MYH10: variants seen among roughly 807,000 people sequenced by gnomAD.
The protein encoded by MYH10 is myosin-10.
A neutral mutation model predicts 257.8 loss-of-function variants in MYH10; 55 were observed. The observed-to-expected ratio is 0.21, with a 90% confidence interval of 0.17 to 0.27. The LOEUF (loss-of-function observed/expected upper bound fraction) is 0.27. MYH10 is among the 10% of genes least tolerant of loss of function. The pLI, the probability that MYH10 is intolerant of heterozygous loss-of-function variation, is 1.00. For synonymous variants in MYH10, 854 were observed against 921.7 expected (o/e 0.93, Z 1.33); for missense variants, 1,631 against 2,500.6 (o/e 0.65, Z 7.42).
At chr17:8,620,751 G>A (rs1317053139) in intron 2 of MYH10, among the ~76,000 whole-genome samples, 2 of 152,042 alleles carry the variant, frequency 1.3e-5, no homozygotes, top group Non-Finnish European at 2.9e-5. Context: ...GACTTCTTTG[G>A]AGTCAAGTTC....
Position 8,600,801 on chromosome 17 carries a change from A to G in MYH10, c.502+4025T>C, listed in dbSNP as rs145115596. 2.1e-3 allele frequency among the ~76,000 whole-genome samples: 320 copies of G among 152,268 alleles called. 2 individuals are homozygous for G. The highest frequency in any genetic ancestry group is 5.4e-3 in the Admixed American group (83 of 15,300). On this transcript the variant is annotated intron_variant, in intron 3 of 42. Coordinates refer to ENST00000360416, the MANE Select transcript of MYH10 (RefSeq NM_001256012.3). The stretch of plus-strand genomic sequence containing the variant: ...CAGTGTTAGTAAGGACACTAACCCT[A>G]TCTCCCAGTGCATAGGATTTGAGTG...
intron 22 of MYH10, 54 bp from the exon 23 acceptor site, chr17:8,513,723 G>C: frequency 6.2e-7 from 1 of 1,608,658 alleles, no homozygotes; most frequent in Non-Finnish European, 8.5e-7. Context: ...TCTTTCCTAT[G>C]GGTTTTTCCT....
At chr17:8,547,821 ATATAT>A (rs1196013688) in intron 11 of MYH10, among the ~76,000 whole-genome samples, 1 of 147,070 alleles carries the variant, frequency 6.8e-6, no homozygotes, top group Non-Finnish European at 1.5e-5. Flanking sequence ...ATATTTAATA[ATATAT>A]TATATATATA....
intron 25 of MYH10, 113 bp downstream of exon 25, chr17:8,509,699 C>A: frequency 9.2e-7 from 1 of 1,081,146 alleles, no homozygotes; most frequent in Admixed American, 3.0e-5. Context: ...GTAAATGAAC[C>A]TAAAATCTTG....
chr17:8,483,682 A>C (rs534740604), intron 37 of MYH10, among the ~76,000 whole-genome samples: 1 of 152,352 alleles, frequency 6.6e-6, no homozygotes, highest in South Asian at 2.1e-4. Context: ...GCTTCATGAG[A>C]ACTTACAAGA....
rs77557006 is a variant in MYH10, at chr17:8,531,009, C to T, written c.1895-324G>A. 5.9e-5 allele frequency among the ~76,000 whole-genome samples: 9 copies of T among 152,166 alleles called. No individual in the cohort carries two copies. The East Asian group carries it at 1.2e-3, about 20-fold the overall frequency. On this transcript the variant is annotated intron_variant, in intron 16 of 42. Transcript: ENST00000360416. ...ATAAGGCACTATTTGAGTTGTCTATCGTAAAAATATCTTATCGTTAGTAGC... is the reference window on the plus strand; with the variant it reads ...ATAAGGCACTATTTGAGTTGTCTATTGTAAAAATATCTTATCGTTAGTAGC...
rs1482800271 is a variant in MYH10 at position 8,495,771 on chromosome 17, G to C, written c.3952-530C>G. 2.6e-5 allele frequency among the ~76,000 whole-genome samples: 4 copies of C among 151,522 alleles called. 1 individual carries two copies. ...GTCGCCCTGGCTGGAGTGCAGTGGT[G>C]CAATCTGGGCTCACTGCAACCTTTG... On this transcript the variant is annotated intron_variant, in intron 30 of 42. Transcript: ENST00000360416.
chr17:8,511,033 T>A (rs200191833), intron 24 of MYH10: 24 of 12,088 alleles, frequency 2.0e-3, no homozygotes, highest in African/African-American at 4.0e-3. Context: ...TATATATATA[T>A]ATATATATAT....
At position 8,510,493 on chromosome 17, in the gene MYH10, G is replaced by T. The variant is rs527671609; in HGVS notation, c.2953-544C>A. On this transcript the variant is annotated intron_variant, in intron 24 of 42. Coordinates refer to ENST00000360416, the MANE Select transcript of MYH10 (RefSeq NM_001256012.3). ...CCAGCAATTTCAGGAAATTGTCACA[G>T]ATGCAATTTATATAAAAAGACATAC... Among the ~76,000 whole-genome samples, 14 of 152,230 alleles carry T rather than the reference G, an allele frequency of 9.2e-5. No individual in the cohort carries two copies. The South Asian group carries it at 2.9e-3, about 32-fold the overall frequency.
intron 1 of MYH10, among the ~76,000 whole-genome samples, chr17:8,626,574 T>TAAAA: frequency 1.2e-5 from 1 of 83,236 alleles, no homozygotes; most frequent in Non-Finnish European, 2.4e-5. Context: ...CTCAAAATAA[T>TAAAA]AATAAATAAT....
Position 8,554,004 on chromosome 17 carries a change from C to G in MYH10, c.771G>C (p.Arg257=). The change falls in exon 8 of 43, where the codon CGG becomes CGC. Residue 257 remains arginine (R), a synonymous_variant. Coordinates refer to ENST00000360416, the MANE Select transcript of MYH10 (RefSeq NM_001256012.3). ...TATAGCCAGTTACATCAAAGTTGAT[C>G]CGAATAAATTTGCCCTGAAAATAAA... The part of the protein sequence containing the change: ...DNSSRFGKFI[R]INFDVTGYIV... 6.2e-7 allele frequency: 1 copy of G among 1,612,582 alleles called. No individual in the cohort carries two copies. Among genetic ancestry groups the G allele is most frequent in the Non-Finnish European group, 8.5e-7 (1 of 1,179,168 alleles).
intron 3 of MYH10, among the ~76,000 whole-genome samples, chr17:8,592,070 TC>T (rs2084167898): frequency 6.6e-6 from 1 of 152,172 alleles, no homozygotes; most frequent in African/African-American, 2.4e-5. Context: ...GGGGAAAAAC[TC>T]ACTTTCAAAA....
At chr17:8,543,602 T>C (rs1567874228) in intron 13 of MYH10, among the ~76,000 whole-genome samples, 1 of 151,362 alleles carries the variant, frequency 6.6e-6, no homozygotes, top group Admixed American at 6.6e-5. Flanking sequence ...GCCTTCGGAG[T>C]AGCTGAGATT....
At chr17:8,568,387 T>C (rs1162465665) in intron 7 of MYH10, among the ~76,000 whole-genome samples, 3 of 152,206 alleles carry the variant, frequency 2.0e-5, no homozygotes, top group African/African-American at 7.2e-5. Context: ...TGCTGGGTCC[T>C]CTGTGATCCT....
intron 21 of MYH10, among the ~76,000 whole-genome samples, chr17:8,518,149 T>TGTGTGTGTGTG (rs1555583009): frequency 7.4e-5 from 6 of 81,282 alleles, no homozygotes; most frequent in African/African-American, 1.8e-4. Context: ...GTGTGTGTGT[T>TGTGTGTGTGTG]TGAGATAGGG....
chr17:8,603,315 C>T (rs1366797109), intron 3 of MYH10, among the ~76,000 whole-genome samples: 1 of 152,188 alleles, frequency 6.6e-6, no homozygotes, highest in Non-Finnish European at 1.5e-5. Context: ...TAGATCTGGT[C>T]AACCTCAGTC....
intron 2 of MYH10, among the ~76,000 whole-genome samples, chr17:8,611,934 T>C (rs940819678): frequency 6.6e-6 from 1 of 152,236 alleles, no homozygotes; most frequent in African/African-American, 2.4e-5. Context: ...AATGCAGTAG[T>C]GCCCCTTATC....
Position 8,535,930 on chromosome 17 carries a change from G to A in MYH10, c.1607C>T (p.Ala536Val), listed in dbSNP as rs752480302. 4.0e-5 allele frequency: 65 copies of A among 1,612,164 alleles called. No homozygotes were observed. Among genetic ancestry groups the A allele is most frequent in the Non-Finnish European group, 5.1e-5 (60 of 1,179,074 alleles). ...AAGGGCCAGTACACCAGGAGGGTTC[G>A]CCTGATAATGACAGGCAATAAGAAT... ...QPCIDLIERPANPPGVLALLD... is the reference protein window; with the variant it reads ...QPCIDLIERPVNPPGVLALLD... The change falls in exon 15 of 43, where the codon GCG (alanine) becomes GTG (valine). Residue 536 changes from alanine to valine, a missense_variant and splice_region_variant. Transcript: ENST00000360416. This position sits in a 1 kb window ranked among gnomAD's most constrained non-coding sequence, Gnocchi z 4.3.
At chr17:8,559,542 TTC>T (rs1405708505) in intron 7 of MYH10, among the ~76,000 whole-genome samples, 1 of 152,160 alleles carries the variant, frequency 6.6e-6, no homozygotes, top group Non-Finnish European at 1.5e-5. Flanking sequence ...ATGAATCAAT[TTC>T]TAAGATGACA....
Sources: allele counts gnomAD v4.1 joint callset (sites outside exome capture counted in the v4.1 genomes callset), GRCh38; gene constraint gnomAD v4.1.1; non-coding constraint Gnocchi (gnomAD v3.1); transcripts MANE v1.5; gene names NCBI Gene and HGNC (gene_info 2026-07-23, HGNC 2026-07-21).